ABHD16A: variants seen among roughly 807,000 people sequenced by gnomAD.
The protein encoded by ABHD16A is abhydrolase domain containing 16A, phospholipase.
In ABHD16A, 47 loss-of-function variants were observed where a neutral mutation model predicts 89.8. That is an observed-to-expected ratio of 0.52 (90% CI 0.41 to 0.67). The LOEUF is 0.67. Among genes scored for constraint, ABHD16A ranks in the 30% least tolerant of loss-of-function variants. ABHD16A has a pLI of 0.00. For synonymous variants in ABHD16A, 251 were observed against 280.4 expected (o/e 0.90, Z 1.05); for missense variants, 580 against 734.6 (o/e 0.79, Z 2.43).
In ABHD16A at chr6:31,696,973, T is replaced by C. The variant is rs147190319; in HGVS notation, c.404A>G (p.His135Arg). 2 of 1,613,058 alleles carry C rather than the reference T, an allele frequency of 1.2e-6. No individual in the cohort carries two copies. The highest frequency in any genetic ancestry group is 1.7e-6 in the Non-Finnish European group (2 of 1,180,008). Residue 135 changes from histidine (H) to arginine (R), a missense_variant, in exon 5 of 20, where the codon CAT becomes CGT. By Grantham distance (29) the His-to-Arg change is conservative. Coordinates refer to ENST00000395952, the MANE Select transcript of ABHD16A (RefSeq NM_021160.3). ...CTTGTTTTCTGAAGACTGGTTCCGATGTGTTGCTTCCAAGATGGTGATGAA... is the reference window on the plus strand; with the variant it reads ...CTTGTTTTCTGAAGACTGGTTCCGACGTGTTGCTTCCAAGATGGTGATGAA... ...RQFITILEAT[H>R]RNQSSENKRQ...
Position 31,690,503 on chromosome 6 carries a change from A to G in ABHD16A, c.907+36T>C. ...TGGGAGGCAGGGACATTCCCTTTCA[A>G]AGGGCGGAGATAAGGAGGCTGAGTC... is the stretch of plus-strand genomic sequence containing the variant. On this transcript the variant is annotated intron_variant, in intron 10 of 19. Coordinates refer to ENST00000395952, the MANE Select transcript of ABHD16A (RefSeq NM_021160.3). This position sits in a 1 kb window ranked among gnomAD's most constrained non-coding sequence, Gnocchi z 4.1. 1.2e-6 allele frequency: 2 copies of G among 1,609,216 alleles called. No homozygotes were observed. Among genetic ancestry groups the G allele is most frequent in the Non-Finnish European group, 1.7e-6 (2 of 1,176,500 alleles).
intron 1 of ABHD16A, 60 bp downstream of exon 1, chr6:31,703,090 A>C: frequency 7.3e-7 from 1 of 1,372,742 alleles, no homozygotes; most frequent in Non-Finnish European, 9.5e-7. Context: ...TCTGGGGAGC[A>C]AAAGGCCGTA....
intron 1 of ABHD16A, chr6:31,702,828 G>A: frequency 7.1e-7 from 1 of 1,404,104 alleles, no homozygotes; most frequent in Non-Finnish European, 9.3e-7. Context: ...CGGCTCCCCA[G>A]TCCGCGCAGG....
chr6:31,701,384 C>T, intron 2 of ABHD16A, 44 bp from the exon 3 acceptor site: 1 of 1,484,658 alleles, frequency 6.7e-7, no homozygotes, highest in Admixed American at 1.7e-5. Flanking sequence ...CACACACACA[C>T]ACACACCTGC....
intron 1 of ABHD16A, 155 bp downstream of exon 1, chr6:31,702,995 T>C: frequency 7.4e-7 from 1 of 1,346,076 alleles, no homozygotes; most frequent in Non-Finnish European, 9.6e-7. Context: ...TAGGCGTGAC[T>C]TTAACTCAGG....
Position 31,690,526 on chromosome 6 carries a change from G to C in ABHD16A, c.907+13C>G. On this transcript the variant is annotated intron_variant, in intron 10 of 19. Coordinates refer to ENST00000395952, the MANE Select transcript of ABHD16A (RefSeq NM_021160.3). The surrounding 1 kb of genome is among the most constrained non-coding windows in gnomAD (Gnocchi z 4.1). The stretch of plus-strand genomic sequence containing the variant: ...CAAAGGGCGGAGATAAGGAGGCTGA[G>C]TCACCGTCCTACCTTCCAGGGGCGT... 1 of 1,612,814 alleles carries C rather than the reference G, an allele frequency of 6.2e-7. No individual in the cohort carries two copies. Among genetic ancestry groups the C allele is most frequent in the Non-Finnish European group, 8.5e-7 (1 of 1,179,802 alleles).
In ABHD16A at chr6:31,689,431, T is replaced by C. The variant is rs79793531; in HGVS notation, c.1081+150A>G. 2.5e-3 allele frequency: 3,106 copies of C among 1,231,444 alleles called. 73 individuals are homozygous for C. In the South Asian group the frequency reaches 0.027, roughly 11 times the overall value. 76.3% of individuals were successfully genotyped at this position (1,231,444 alleles called of 1,614,324 possible). ...GAAGGAAAGGTGAAGTGTATGCAAA[T>C]AGGATAGCTTCTTCCAGGCCCACTC... is the stretch of plus-strand genomic sequence containing the variant. On this transcript the variant is annotated intron_variant, in intron 12 of 19. Transcript: ENST00000395952.
chr6:31,689,200 C>A, intron 12 of ABHD16A, 81 bp from the exon 13 acceptor site: 1 of 1,268,330 alleles, frequency 7.9e-7, no homozygotes, highest in South Asian at 1.4e-5. Context: ...TCCCACTGAC[C>A]CTATAGGCCA....
intron 2 of ABHD16A, 90 bp downstream of exon 2, chr6:31,701,984 G>A: frequency 6.9e-7 from 1 of 1,451,780 alleles, no homozygotes; most frequent in Admixed American, 1.7e-5. Context: ...CAACCCCAGG[G>A]CACTGTTGCT....
intron 5 of ABHD16A, among the ~76,000 whole-genome samples, chr6:31,696,044 GT>G (rs1804358022): frequency 6.6e-6 from 1 of 151,106 alleles, no homozygotes; most frequent in Non-Finnish European, 1.5e-5. Context: ...GGCGCCTGTA[GT>G]CCCAGCTACT....
At chr6:31,691,134 A>C (rs1803838095) in intron 9 of ABHD16A, among the ~76,000 whole-genome samples, 2 of 152,198 alleles carry the variant, frequency 1.3e-5, no homozygotes, top group South Asian at 4.1e-4. Context: ...CGGCTGCTTC[A>C]TGGAGGTAGG....
Position 31,692,865 on chromosome 6 carries a change from A to G in ABHD16A, c.626+162T>C, listed in dbSNP as rs79179139. The G allele has an allele frequency of 4.2e-3, 4,119 of 985,368 alleles. 32 individuals are homozygous for G. The highest frequency in any genetic ancestry group is 0.034 in the African/African-American group (2,130 of 61,746). 61.0% of individuals were successfully genotyped at this position (985,368 alleles called of 1,614,324 possible). ...CTCTCTGAGCCTCTTTTCTTCAAACATAAATATGGATAAAAATGACTTTGC... is the reference window on the plus strand; with the variant it reads ...CTCTCTGAGCCTCTTTTCTTCAAACGTAAATATGGATAAAAATGACTTTGC... On this transcript the variant is annotated intron_variant, in intron 7 of 19. Coordinates refer to ENST00000395952, the MANE Select transcript of ABHD16A (RefSeq NM_021160.3).
At chr6:31,692,943 T>C (rs1423401577) in intron 7 of ABHD16A, 84 bp downstream of exon 7, 1 of 1,585,954 alleles carries the variant, frequency 6.3e-7, no homozygotes, top group Admixed American at 1.7e-5. Context: ...GTGACAGCTA[T>C]TTTACAATGG....
In ABHD16A at chr6:31,687,540, C is replaced by G; in HGVS notation, c.1551G>C (p.Glu517Asp). The change falls in exon 19 of 20, where the codon GAG becomes GAC. Residue 517 changes from glutamate (E) to aspartate (D), a missense_variant. By Grantham distance (45) the Glu-to-Asp change is conservative. Coordinates refer to ENST00000395952, the MANE Select transcript of ABHD16A (RefSeq NM_021160.3). This position sits in a 1 kb window ranked among gnomAD's most constrained non-coding sequence, Gnocchi z 6.3. ...HGPDFPWSVGEDMSADGRRQL... is the reference protein window; with the variant it reads ...HGPDFPWSVGDDMSADGRRQL... ...GCCGCCGTCCATCTGCACTCATGTCCTCCCCTGCAGAGAGGAGGCGCTCAA... is the reference window on the plus strand; with the variant it reads ...GCCGCCGTCCATCTGCACTCATGTCGTCCCCTGCAGAGAGGAGGCGCTCAA... 1 of 1,613,096 alleles carries G rather than the reference C, an allele frequency of 6.2e-7. No homozygotes were observed.
chr6:31,693,400 C>A lies in ABHD16A; in HGVS notation c.462G>T (p.Arg154=), dbSNP rs779264911. Residue 154 remains arginine, a synonymous_variant, in exon 6 of 20, where the codon CGG becomes CGT. Transcript: ENST00000395952. The surrounding 1 kb of genome is among the most constrained non-coding windows in gnomAD (Gnocchi z 5.0). ...RQLANYNFDF[R]SWPVDFHWEE... is the part of the protein sequence containing the mutation. ...CCCAGTGGAAGTCGACTGGCCAGCT[C>A]CGGAAGTCAAAGTTGTAGTTGGCAA... 2 of 1,612,898 alleles carry A rather than the reference C, an allele frequency of 1.2e-6. No homozygotes were observed. The highest frequency in any genetic ancestry group is 4.5e-5 in the East Asian group (2 of 44,898).
intron 12 of ABHD16A, among the ~76,000 whole-genome samples, 170 bp from the exon 13 acceptor site, chr6:31,689,289 G>C (rs1386637930): frequency 2.6e-5 from 4 of 152,048 alleles, no homozygotes; most frequent in Non-Finnish European, 5.9e-5. Flanking sequence ...GAGAGGATGG[G>C]GATAGAACAC....
In ABHD16A at chr6:31,703,203, C is replaced by T. The variant is rs1193783527; in HGVS notation, c.79G>A (p.Ala27Thr). 1 of 1,443,142 alleles carries T rather than the reference C, an allele frequency of 6.9e-7. No homozygotes were observed. The allele number at this position is 1,443,142 out of a possible 1,614,324, so 89.4% of individuals were successfully genotyped here. A position where few individuals can be genotyped will look rare whatever the true frequency, so the allele number is the denominator to read the frequency against. Residue 27 changes from alanine to threonine, a missense_variant, in exon 1 of 20, where the codon GCC becomes ACC. Coordinates refer to ENST00000395952, the MANE Select transcript of ABHD16A (RefSeq NM_021160.3). ...GCCGTTGGCGTCTCAGGGACGCTGG[C>T]CGGGGCCCTTTCAGAGTCCCTCTCC... ...YRERDSERAP[A>T]SVPETPTAVT...
intron 3 of ABHD16A, 76 bp from the exon 4 acceptor site, chr6:31,701,104 T>C: frequency 9.3e-6 from 13 of 1,393,926 alleles, no homozygotes; most frequent in Non-Finnish European, 1.3e-5. Context: ...AGCCCCAACC[T>C]CCACCCCACA....
chr6:31,695,638 G>A (rs1481906993), intron 5 of ABHD16A, among the ~76,000 whole-genome samples: 2 of 151,618 alleles, frequency 1.3e-5, no homozygotes, highest in East Asian at 1.9e-4. Flanking sequence ...CAGGAGAATC[G>A]CTTGAACCCA....
Sources: allele counts gnomAD v4.1 joint callset (sites outside exome capture counted in the v4.1 genomes callset), GRCh38; gene constraint gnomAD v4.1.1; non-coding constraint Gnocchi (gnomAD v3.1); transcripts MANE v1.5; gene names NCBI Gene and HGNC (gene_info 2026-07-23, HGNC 2026-07-21).